Variants in CACHD1 observed in about 807,000 individuals in gnomAD.
The protein encoded by CACHD1 is VWFA and cache domain-containing protein 1.
A neutral mutation model predicts 138.7 loss-of-function variants in CACHD1; 71 were observed. That is an observed-to-expected ratio of 0.51 (90% CI 0.42 to 0.62). The LOEUF is 0.62. Among genes scored for constraint, CACHD1 ranks in the 20% least tolerant of loss-of-function variants. The pLI is 0.00. For missense variants in CACHD1, 1,389 were observed against 1,625.3 expected (o/e 0.85, Z 2.50); for synonymous variants, 578 against 591.5 (o/e 0.98, Z 0.33).
At chr1:64,549,915 C>T (rs1367629094) in intron 1 of CACHD1, among the ~76,000 whole-genome samples, 1 of 151,200 alleles carries the variant, frequency 6.6e-6, no homozygotes, top group Non-Finnish European at 1.5e-5. Context: ...AGTCATAAGT[C>T]TGCAGAGACA....
At chr1:64,482,386 C>T (rs1253782408) in intron 1 of CACHD1, among the ~76,000 whole-genome samples, 1 of 152,188 alleles carries the variant, frequency 6.6e-6, no homozygotes, top group Non-Finnish European at 1.5e-5. Flanking sequence ...ACAGGATGTG[C>T]TGAAATGGGT....
At chr1:64,561,579 G>A (rs1410206519) in intron 2 of CACHD1, among the ~76,000 whole-genome samples, 2 of 152,102 alleles carry the variant, frequency 1.3e-5, no homozygotes, top group African/African-American at 4.8e-5. Flanking sequence ...TTGGCTACAT[G>A]CAGTAGCTCA....
intron 1 of CACHD1, among the ~76,000 whole-genome samples, chr1:64,514,481 A>G (rs1235313655): frequency 6.6e-6 from 1 of 152,212 alleles, no homozygotes; most frequent in Non-Finnish European, 1.5e-5. Flanking sequence ...TCTAGCTTTA[A>G]CATTGTAACA....
In CACHD1 at chr1:64,681,232, G is replaced by C. The variant is rs1029962008; in HGVS notation, c.3407-26G>C. On this transcript the variant is annotated intron_variant, in intron 24 of 26. Coordinates refer to ENST00000651257, the MANE Select transcript of CACHD1 (RefSeq NM_020925.4). ...TGATTTTGTTTGATTAAATAGTCAT[G>C]TTTCTCTCTTTTTAATGATGGGTAG... The C allele has an allele frequency of 3.2e-6, 5 of 1,581,788 alleles. No homozygotes were observed. In the Admixed American group the frequency reaches 5.0e-5, roughly 16 times the overall value.
intron 1 of CACHD1, among the ~76,000 whole-genome samples, chr1:64,500,225 C>T (rs1046078949): frequency 6.6e-6 from 1 of 152,156 alleles, no homozygotes; most frequent in African/African-American, 2.4e-5. Context: ...ATGACTCCAC[C>T]TACCTGCAAG....
chr1:64,603,920 A>C (rs1647264776), intron 4 of CACHD1, among the ~76,000 whole-genome samples: 1 of 152,146 alleles, frequency 6.6e-6, no homozygotes, highest in Non-Finnish European at 1.5e-5. Context: ...ACCATCTCCA[A>C]TCCTCAGATT....
chr1:64,576,449 C>T (rs954055693), intron 2 of CACHD1, among the ~76,000 whole-genome samples: 1 of 151,608 alleles, frequency 6.6e-6, no homozygotes, highest in African/African-American at 2.4e-5. Flanking sequence ...TGCTGAGCAG[C>T]CTGGGTTTGG....
chr1:64,588,174 G>A (rs902799599), intron 3 of CACHD1, among the ~76,000 whole-genome samples: 4 of 152,060 alleles, frequency 2.6e-5, no homozygotes, highest in African/African-American at 4.8e-5. Flanking sequence ...AAGACCATAC[G>A]ATATTAATAG....
At chr1:64,615,800 T>C (rs981075972) in intron 4 of CACHD1, among the ~76,000 whole-genome samples, 7 of 152,198 alleles carry the variant, frequency 4.6e-5, no homozygotes, top group African/African-American at 1.7e-4. Context: ...AAATGAATAA[T>C]GTATTCCAGA....
chr1:64,505,609 C>T (rs1355803363), intron 1 of CACHD1, among the ~76,000 whole-genome samples: 2 of 131,164 alleles, frequency 1.5e-5, no homozygotes, highest in Non-Finnish European at 3.3e-5. Flanking sequence ...CTGGGCACAC[C>T]CTATGCCGCC....
chr1:64,488,065 T>C (rs1646253788), intron 1 of CACHD1, among the ~76,000 whole-genome samples: 2 of 152,230 alleles, frequency 1.3e-5, no homozygotes, highest in Admixed American at 1.3e-4. Context: ...GTGTCTGTTC[T>C]ATGATGATAC....
rs116324514 is a variant in CACHD1, at chr1:64,526,209, T to A, written c.199-24385T>A. Among the ~76,000 whole-genome samples, 741 of 152,292 alleles carry A rather than the reference T, an allele frequency of 4.9e-3. 6 individuals are homozygous for A. The highest frequency in any genetic ancestry group is 0.017 in the African/African-American group (724 of 41,544). On this transcript the variant is annotated intron_variant, in intron 1 of 26. Transcript: ENST00000651257. The stretch of plus-strand genomic sequence containing the variant: ...ATATGACTGTGTAAGCTGTCTTTTT[T>A]AAAGGTTTTCTATGAGATATGGATT...
rs531925361 is a variant in CACHD1 at position 64,668,326 on chromosome 1, CA to C, written c.2387+2174del. ...TGGGCGACAGAGCAAGACTGCATCT[CA>C]AAAAAAAAAAAAAAGAAAAAGAAAA... On this transcript the variant is annotated intron_variant, in intron 16 of 26. Transcript: ENST00000651257. 6.3e-3 allele frequency among the ~76,000 whole-genome samples: 551 copies of C among 87,632 alleles called. 2 individuals carry two copies. The highest frequency in any genetic ancestry group is 0.015 in the African/African-American group (346 of 22,546). The allele number at this position is 87,632 out of a possible 152,430, so 57.5% of individuals were successfully genotyped here.
intron 22 of CACHD1, 53 bp from the exon 23 acceptor site, chr1:64,678,106 T>A: frequency 1.3e-6 from 2 of 1,571,086 alleles, no homozygotes. Context: ...ACTTAAGTGC[T>A]GTCCCCTGCC....
intron 1 of CACHD1, among the ~76,000 whole-genome samples, chr1:64,526,877 GCGATTCTTTCGCAAAA>G (rs1328515152): frequency 2.6e-5 from 4 of 152,120 alleles, no homozygotes; most frequent in African/African-American, 9.7e-5. Context: ...ATTTATTACT[GCGATTCTTTCGCAAAA>G]CCATTTATTC....
At chr1:64,664,792 T>C (rs944722752) in intron 15 of CACHD1, 113 bp downstream of exon 15, 1 of 922,978 alleles carries the variant, frequency 1.1e-6, no homozygotes, top group African/African-American at 1.7e-5. Flanking sequence ...GATACTTTCA[T>C]GGTGGTGAAA....
Position 64,634,037 on chromosome 1 carries a change from C to G in CACHD1, c.790-7C>G. 1 of 1,387,520 alleles carries G rather than the reference C, an allele frequency of 7.2e-7. No homozygotes were observed. The highest frequency in any genetic ancestry group is 9.6e-7 in the Non-Finnish European group (1 of 1,040,658). 86.0% of individuals were successfully genotyped at this position (1,387,520 alleles called of 1,614,324 possible). A position where few individuals can be genotyped will look rare whatever the true frequency, so the allele number is the denominator to read the frequency against. On this transcript the variant is annotated splice_polypyrimidine_tract_variant and splice_region_variant and intron_variant, in intron 6 of 26. Coordinates refer to ENST00000651257, the MANE Select transcript of CACHD1 (RefSeq NM_020925.4). ...TTGGTGGTTTTTTTTTTTTTTCTTTCCTGCAGATTTCTGTGTTAACTGTGG... is the reference window on the plus strand; with the variant it reads ...TTGGTGGTTTTTTTTTTTTTTCTTTGCTGCAGATTTCTGTGTTAACTGTGG...
At chr1:64,624,002 G>A (rs1177040798) in intron 4 of CACHD1, among the ~76,000 whole-genome samples, 1 of 152,218 alleles carries the variant, frequency 6.6e-6, no homozygotes, top group Non-Finnish European at 1.5e-5. Context: ...TGACTCATAG[G>A]AATGGGGGAA....
rs1340880964 is a variant in CACHD1 at position 64,627,216 on chromosome 1, G to C, written c.518-2139G>C. ...GAGGCCACGAATTTGAGGCCAGCCT[G>C]GGCAACACAGTGACACCCTGTCTCT... is the stretch of plus-strand genomic sequence containing the variant. On this transcript the variant is annotated intron_variant, in intron 4 of 26. Coordinates refer to ENST00000651257, the MANE Select transcript of CACHD1 (RefSeq NM_020925.4). Among the ~76,000 whole-genome samples, 3 of 151,998 alleles carry C rather than the reference G, an allele frequency of 2.0e-5. No individual in the cohort carries two copies. In the East Asian group the frequency reaches 5.8e-4, roughly 29 times the overall value.
Sources: gnomAD v4.1 joint callset for allele counts (sites outside exome capture counted in the v4.1 genomes callset) on GRCh38, gnomAD v4.1.1 for gene constraint, MANE v1.5 for transcripts, NCBI Gene and HGNC (gene_info 2026-07-23, HGNC 2026-07-21) for gene names.